The following HADHA variants were observed in gnomAD, a reference collection of about 807,000 sequenced individuals.
HADHA encodes hydroxyacyl-CoA dehydrogenase trifunctional multienzyme complex subunit alpha, also known as trifunctional enzyme subunit alpha, mitochondrial.
In HADHA, 59 loss-of-function variants were observed where a neutral mutation model predicts 91.3. The observed-to-expected ratio is 0.65, with a 90% CI of 0.52 to 0.80. The LOEUF (loss-of-function observed/expected upper bound fraction) is 0.80. Ranked by LOEUF, HADHA falls within the 30% of genes least tolerant of loss-of-function variation. HADHA has a pLI of 0.00. For missense variants in HADHA, 800 were observed against 927.6 expected, an observed-to-expected ratio of 0.86 and a Z score of 1.79; for synonymous variants, 320 against 338.9, an observed-to-expected ratio of 0.94 and a Z score of 0.61.
intron 12 of HADHA, 46 bp downstream of exon 12, chr2:26,204,016 A>G: frequency 2.5e-6 from 4 of 1,600,030 alleles, no homozygotes; most frequent in Non-Finnish European, 2.6e-6. Context: ...ACTAACCAAG[A>G]AACAAAGGAC....
chr2:26,242,882 G>C (rs1670935456), intron 1 of HADHA, among the ~76,000 whole-genome samples: 2 of 152,168 alleles, frequency 1.3e-5, no homozygotes. Flanking sequence ...CTCCCGAGTA[G>C]CTGGGACTAC....
At chr2:26,200,789 G>A (rs537132755) in intron 13 of HADHA, among the ~76,000 whole-genome samples, 200 of 150,608 alleles carry the variant, frequency 1.3e-3, no homozygotes, top group African/African-American at 4.9e-3. Flanking sequence ...CTGGAGTGCA[G>A]TGGCGTGATC....
chr2:26,239,940 G>T (rs1670851885), intron 1 of HADHA, among the ~76,000 whole-genome samples: 1 of 152,178 alleles, frequency 6.6e-6, no homozygotes, highest in African/African-American at 2.4e-5. Flanking sequence ...GGAGAAGCCA[G>T]CCATCTCCTC....
At chr2:26,193,116 GGT>G (rs1669559671) in intron 17 of HADHA, among the ~76,000 whole-genome samples, 1 of 151,938 alleles carries the variant, frequency 6.6e-6, no homozygotes, top group South Asian at 2.1e-4. Flanking sequence ...CAGACAGCAT[GGT>G]AAAGCCCGGA....
chr2:26,202,760 T>A (rs944270401), intron 12 of HADHA, among the ~76,000 whole-genome samples: 29 of 152,196 alleles, frequency 1.9e-4, no homozygotes, highest in African/African-American at 5.8e-4. Context: ...AAACATCAAA[T>A]AAGGTCTTAA....
At chr2:26,212,454 G>A in intron 10 of HADHA, 116 bp downstream of exon 10, 1 of 769,078 alleles carries the variant, frequency 1.3e-6, no homozygotes, top group South Asian at 1.4e-5. Flanking sequence ...AGCACTGGAA[G>A]AAAAAAATTT....
chr2:26,244,493 T>C lies in HADHA; in HGVS notation c.67+37A>G, dbSNP rs377507572. 20 of 1,553,204 alleles carry C rather than the reference T, an allele frequency of 1.3e-5. No individual in the cohort carries two copies. The African/African-American group carries it at 2.5e-4, about 19-fold the overall frequency. On this transcript the variant is annotated intron_variant, in intron 1 of 19. Transcript: ENST00000380649. ...GCCACCCCAGTCCCGGCAGGAGTTCTGCCCGGAGGTCTGGGATGCCCTCGG... is the reference window on the plus strand; with the variant it reads ...GCCACCCCAGTCCCGGCAGGAGTTCCGCCCGGAGGTCTGGGATGCCCTCGG...
At position 26,221,313 on chromosome 2, in the gene HADHA, A is replaced by C. The variant is rs983594604; in HGVS notation, c.677-6138T>G. 6.6e-6 allele frequency among the ~76,000 whole-genome samples: 1 copy of C among 152,180 alleles called. No homozygotes were observed. The highest frequency in any genetic ancestry group is 1.5e-5 in the Non-Finnish European group (1 of 68,026). On this transcript the variant is annotated intron_variant, in intron 7 of 19. Coordinates refer to ENST00000380649, the MANE Select transcript of HADHA (RefSeq NM_000182.5). The surrounding 1 kb of genome is among the most constrained non-coding windows in gnomAD (Gnocchi z 4.8). ...GTCTTTAATAGATCTCTATTAGGTG[A>C]ATCACAACACAGACCCTTAGGATTT...
chr2:26,194,555 G>C lies in HADHA; in HGVS notation c.1689+15C>G, dbSNP rs1201727482. On this transcript the variant is annotated intron_variant, in intron 16 of 19. Transcript: ENST00000380649. The stretch of plus-strand genomic sequence containing the variant: ...AGTGGAAGATGCCGCAAACACTCTG[G>C]AGAGCAATACCAACCTGGAGGATTC... 1 of 1,544,434 alleles carries C rather than the reference G, an allele frequency of 6.5e-7. No homozygotes were observed. The highest frequency in any genetic ancestry group is 9.0e-7 in the Non-Finnish European group (1 of 1,116,360).
intron 10 of HADHA, chr2:26,212,242 A>T (rs1157225952): frequency 5.5e-6 from 2 of 361,098 alleles, no homozygotes; most frequent in African/African-American, 4.2e-5. Context: ...GCATGCCACC[A>T]TGCCTGGCTA....
intron 1 of HADHA, among the ~76,000 whole-genome samples, chr2:26,240,473 TGGGAAGGGAAGAAG>T (rs1438881883): frequency 2.0e-5 from 3 of 151,692 alleles, no homozygotes; most frequent in African/African-American, 7.3e-5. Flanking sequence ...GAAATTCCAG[TGGGAAGGGAAGAAG>T]GGGATAGGTA....
rs1285238404 is a variant in HADHA at position 26,239,124 on chromosome 2, A to C, written c.87T>G (p.Phe29Leu). The change falls in exon 2 of 20, where the codon TTT (phenylalanine) becomes TTG (leucine). Residue 29 changes from phenylalanine (F) to leucine (L), a missense_variant. Transcript: ENST00000380649. ...LRSRGYICRN[F>L]TGSSALLTRT... is the part of the protein sequence containing the mutation. Reference sequence around the variant, plus strand: ...TACTCAGCAAAGCAGAAGACCCTGTAAAATTGCGGCATATATAACCTGTAA... The same window carrying C: ...TACTCAGCAAAGCAGAAGACCCTGTCAAATTGCGGCATATATAACCTGTAA... The C allele has an allele frequency of 1.2e-6, 2 of 1,607,826 alleles. No homozygotes were observed. Among genetic ancestry groups the C allele is most frequent in the African/African-American group, 1.3e-5 (1 of 74,802 alleles).
Position 26,204,088 on chromosome 2 carries a change from G to C in HADHA, c.1194C>G (p.Asp398Glu). ...ILKDATLTAL[D>E]RGQQQVFKGL... The stretch of plus-strand genomic sequence containing the variant: ...CTTTGAACACTTGTTGCTGTCCTCG[G>C]TCTAGCGCAGTGAGGGTGGCATCTT... The change falls in exon 12 of 20, where the codon GAC (aspartate) becomes GAG (glutamate). Residue 398 changes from aspartate (D) to glutamate (E), a missense_variant. Asp to Glu is a conservative substitution (Grantham distance 45). Transcript: ENST00000380649. 1 of 1,613,944 alleles carries C rather than the reference G, an allele frequency of 6.2e-7. No homozygotes were observed. Among genetic ancestry groups the C allele is most frequent in the African/African-American group, 1.3e-5 (1 of 75,056 alleles).
At chr2:26,234,177 T>C in intron 5 of HADHA, 40 bp downstream of exon 5, 1 of 1,594,382 alleles carries the variant, frequency 6.3e-7, no homozygotes, top group Non-Finnish European at 8.6e-7. Flanking sequence ...ATGCCACCAA[T>C]GAGTTGGACA....
chr2:26,236,767 T>C, intron 4 of HADHA, 88 bp downstream of exon 4: 1 of 1,040,016 alleles, frequency 9.6e-7, no homozygotes, highest in Non-Finnish European at 1.5e-6. Flanking sequence ...CCAGCACTTC[T>C]ACTTTCTTTT....
intron 3 of HADHA, among the ~76,000 whole-genome samples, chr2:26,237,959 C>A (rs1670800610): frequency 6.6e-6 from 1 of 152,174 alleles, no homozygotes; most frequent in African/African-American, 2.4e-5. Flanking sequence ...TAGTTGTCAA[C>A]TGCTTCCATC....
chr2:26,193,905 G>A lies in HADHA; in HGVS notation c.1690-133C>T, dbSNP rs951632662. On this transcript the variant is annotated intron_variant, in intron 16 of 19. Coordinates refer to ENST00000380649, the MANE Select transcript of HADHA (RefSeq NM_000182.5). ...GTGTCACCTGACCAGGCCCAGGACTGGTGCTATTTCATTCAGGGAAGCACA... is the reference window on the plus strand; with the variant it reads ...GTGTCACCTGACCAGGCCCAGGACTAGTGCTATTTCATTCAGGGAAGCACA... 5.1e-5 allele frequency: 36 copies of A among 701,962 alleles called. No individual in the cohort carries two copies. In the African/African-American group the frequency reaches 6.2e-4, roughly 12 times the overall value. 43.5% of individuals were successfully genotyped at this position (701,962 alleles called of 1,614,324 possible).
At position 26,215,321 on chromosome 2, in the gene HADHA, A is replaced by G; in HGVS notation, c.677-146T>C. 3 of 754,564 alleles carry G rather than the reference A, an allele frequency of 4.0e-6. No individual in the cohort carries two copies. The South Asian group carries it at 4.2e-5, about 11-fold the overall frequency. 46.7% of individuals were successfully genotyped at this position (754,564 alleles called of 1,614,324 possible). On this transcript the variant is annotated intron_variant, in intron 7 of 19. Coordinates refer to ENST00000380649, the MANE Select transcript of HADHA (RefSeq NM_000182.5). ...TGGTAGGTGGCAAAGTCATAAACCA[A>G]GAAGTCAAAGAAGGGAAATCACAAT... is the stretch of plus-strand genomic sequence containing the variant.
rs776311163 is a variant in HADHA at position 26,229,129 on chromosome 2, C to T, written c.676+1063G>A. The stretch of plus-strand genomic sequence containing the variant: ...GCTGAGGGAGGAGGATTACTTGAGC[C>T]CGGAGTTTGAGACTAGCCTGGAAAA... On this transcript the variant is annotated intron_variant, in intron 7 of 19. Transcript: ENST00000380649. The surrounding 1 kb of genome is among the most constrained non-coding windows in gnomAD (Gnocchi z 4.3). 3.3e-5 allele frequency among the ~76,000 whole-genome samples: 5 copies of T among 151,982 alleles called. No homozygotes were observed. The highest frequency in any genetic ancestry group is 4.1e-4 in the South Asian group (2 of 4,820).
Sources: gnomAD v4.1 joint callset for allele counts (sites outside exome capture counted in the v4.1 genomes callset) on GRCh38, gnomAD v4.1.1 for gene constraint, Gnocchi (gnomAD v3.1) non-coding constraint, MANE v1.5 for transcripts, NCBI Gene and HGNC (gene_info 2026-07-23, HGNC 2026-07-21) for gene names.